ADGB: variants seen among roughly 807,000 people sequenced by gnomAD.
The protein encoded by ADGB is calpain-7-like protein.
In ADGB, 172 loss-of-function variants were observed where a neutral mutation model predicts 210.5. The ratio of observed to expected loss-of-function variants is 0.82; its 90% CI spans 0.72 to 0.93. The LOEUF (loss-of-function observed/expected upper bound fraction) is 0.93. ADGB is among the 40% of genes least tolerant of loss of function. ADGB has a pLI of 0.00. For synonymous variants in ADGB, 658 were observed against 662.7 expected (o/e 0.99, Z 0.11); for missense variants, 2,025 against 1,964.8 (o/e 1.03, Z -0.58).
chr6:146,731,874 G>A (rs116871498), intron 20 of ADGB, among the ~76,000 whole-genome samples: 20 of 152,174 alleles, frequency 1.3e-4, no homozygotes, highest in Admixed American at 2.0e-4. Context: ...TGGGGGAATC[G>A]GGCACGGAGT....
At position 146,746,075 on chromosome 6, in the gene ADGB, T is replaced by A; in HGVS notation, c.3331T>A (p.Tyr1111Asn). 6.4e-7 allele frequency: 1 copy of A among 1,550,466 alleles called. No individual in the cohort carries two copies. The highest frequency in any genetic ancestry group is 1.4e-5 in the African/African-American group (1 of 73,150). The change falls in exon 26 of 36, where the codon TAC becomes AAC. Residue 1111 changes from tyrosine (Y) to asparagine (N), a missense_variant. Physicochemically the swap from Tyr to Asn is moderately radical, Grantham distance 143. Transcript: ENST00000397944. ...NSFAIKEIRDYYIPNDKKILF... is the reference protein window; with the variant it reads ...NSFAIKEIRDNYIPNDKKILF... ...CTTTGCCATAAAGGAAATCCGAGAT[T>A]ACTACATACCCAATGATAAGAAAAT...
At chr6:146,634,910 G>C (rs933154540) in intron 1 of ADGB, among the ~76,000 whole-genome samples, 4 of 151,906 alleles carry the variant, frequency 2.6e-5, no homozygotes, top group Non-Finnish European at 5.9e-5. Context: ...TTAGTATTTA[G>C]ATAAATATTT....
rs776133155 is a variant in ADGB, at chr6:146,736,615, T to C, written c.2888+24T>C. 2.8e-6 allele frequency: 4 copies of C among 1,450,452 alleles called. No homozygotes were observed. In the South Asian group the frequency reaches 3.9e-5, roughly 14 times the overall value. 89.8% of individuals were successfully genotyped at this position (1,450,452 alleles called of 1,614,324 possible). ...AGGTAAAGCAGTCAAATGATATTTT[T>C]ATTGCAGTATATTGTCCTTTTGTCA... On this transcript the variant is annotated intron_variant, in intron 23 of 35. Transcript: ENST00000397944.
intron 33 of ADGB, among the ~76,000 whole-genome samples, chr6:146,792,682 G>T (rs764567941): frequency 1.3e-5 from 2 of 151,906 alleles, no homozygotes; most frequent in Non-Finnish European, 2.9e-5. Context: ...TAAAGTCTAC[G>T]TAGTTGTGAA....
chr6:146,602,058 A>G (rs1331381151), intron 1 of ADGB, among the ~76,000 whole-genome samples: 1 of 152,196 alleles, frequency 6.6e-6, no homozygotes, highest in African/African-American at 2.4e-5. Flanking sequence ...ACCAAGAAAA[A>G]CTATTCCAGG....
chr6:146,785,537 A>G (rs2114647813), intron 31 of ADGB, 73 bp from the exon 32 acceptor site: 7 of 1,180,694 alleles, frequency 5.9e-6, no homozygotes, highest in Middle Eastern at 2.1e-4. Context: ...ATTGAATACC[A>G]TTAACATGTA....
At chr6:146,745,466 C>T (rs560596573) in intron 25 of ADGB, among the ~76,000 whole-genome samples, 94 of 152,310 alleles carry the variant, frequency 6.2e-4, no homozygotes, top group African/African-American at 1.9e-3. Flanking sequence ...ATTAATTTTA[C>T]AGTTTTACCT....
intron 2 of ADGB, chr6:146,639,860 G>T (rs1170198406): frequency 3.3e-5 from 5 of 151,844 alleles, no homozygotes; most frequent in Non-Finnish European, 5.9e-5. Context: ...AATAATTAGA[G>T]AAGCTAGAAC....
chr6:146,662,983 A>G (rs185998561), intron 5 of ADGB, among the ~76,000 whole-genome samples: 352 of 146,100 alleles, frequency 2.4e-3, no homozygotes, highest in Middle Eastern at 7.2e-3. Flanking sequence ...TATAATGTAT[A>G]TAATATATAT....
intron 2 of ADGB, among the ~76,000 whole-genome samples, chr6:146,642,199 T>G (rs558360272): frequency 6.6e-6 from 1 of 151,514 alleles, no homozygotes; most frequent in South Asian, 2.1e-4. Flanking sequence ...ATTTCACACC[T>G]ATCAGAATGG....
intron 5 of ADGB, among the ~76,000 whole-genome samples, chr6:146,663,199 A>T (rs1158416810): frequency 7.0e-6 from 1 of 143,046 alleles, no homozygotes; most frequent in Non-Finnish European, 1.5e-5. Context: ...AATAATATTA[A>T]GGTTTTTTAT....
chr6:146,622,438 C>G (rs2114844298), intron 1 of ADGB, among the ~76,000 whole-genome samples: 1 of 152,182 alleles, frequency 6.6e-6, no homozygotes, highest in South Asian at 2.1e-4. Flanking sequence ...ATTTTAAGGT[C>G]AACTATCCCA....
At chr6:146,699,488 GC>G (rs1378039678) in intron 12 of ADGB, among the ~76,000 whole-genome samples, 1 of 152,088 alleles carries the variant, frequency 6.6e-6, no homozygotes, top group Non-Finnish European at 1.5e-5. Context: ...TTCTGCCCAG[GC>G]AGAAGATGGG....
chr6:146,642,826 G>C (rs1583571377), intron 2 of ADGB, among the ~76,000 whole-genome samples: 1 of 151,732 alleles, frequency 6.6e-6, no homozygotes, highest in East Asian at 1.9e-4. Flanking sequence ...CTTAATACCT[G>C]GGTGATGAAA....
chr6:146,726,067 C>A lies in ADGB; in HGVS notation c.2238-16C>A. ...CAGGAAGCACTCGGTTATCATCCGGCATCCCTTCTCTTTAGGAGACACATG... is the reference window on the plus strand; with the variant it reads ...CAGGAAGCACTCGGTTATCATCCGGAATCCCTTCTCTTTAGGAGACACATG... On this transcript the variant is annotated splice_polypyrimidine_tract_variant and intron_variant, in intron 18 of 35. Transcript: ENST00000397944. The A allele has an allele frequency of 6.8e-7, 1 of 1,476,266 alleles. No individual in the cohort carries two copies. 91.4% of individuals were successfully genotyped at this position (1,476,266 alleles called of 1,614,324 possible).
chr6:146,603,628 A>C (rs972679228), intron 1 of ADGB, among the ~76,000 whole-genome samples: 1 of 152,214 alleles, frequency 6.6e-6, no homozygotes, highest in Admixed American at 6.5e-5. Flanking sequence ...AAGCCTTTCA[A>C]AAACAGAATG....
At chr6:146,702,507 T>G (rs1004827993) in intron 13 of ADGB, among the ~76,000 whole-genome samples, 1 of 151,898 alleles carries the variant, frequency 6.6e-6, no homozygotes, top group Non-Finnish European at 1.5e-5. Context: ...CCTCCATTTA[T>G]GTACCTCTCT....
At position 146,716,888 on chromosome 6, in the gene ADGB, G is replaced by C. The variant is rs1776743229; in HGVS notation, c.1747G>C (p.Asp583His). The C allele has an allele frequency of 1.2e-5, 19 of 1,548,072 alleles. No homozygotes were observed. The highest frequency in any genetic ancestry group is 1.7e-5 in the Non-Finnish European group (19 of 1,145,132). Reference protein sequence around the residue: ...ASQVILGKGTDEQTDFGLGDA... With the variant: ...ASQVILGKGTHEQTDFGLGDA... ...TTGACATGTGTGTCTTCTAGGCACAGATGAACAAACAGACTTTGGATTGGG... is the reference window on the plus strand; with the variant it reads ...TTGACATGTGTGTCTTCTAGGCACACATGAACAAACAGACTTTGGATTGGG... Residue 583 changes from aspartate (D) to histidine (H), a missense_variant, in exon 15 of 36, where the codon GAT (aspartate) becomes CAT (histidine). By Grantham distance (81) the Asp-to-His change is moderately conservative. Transcript: ENST00000397944.
chr6:146,694,296 C>A, intron 12 of ADGB, among the ~76,000 whole-genome samples: 1 of 152,096 alleles, frequency 6.6e-6, no homozygotes, highest in Non-Finnish European at 1.5e-5. Context: ...CTGGGAAGTC[C>A]AAGAACTGCA....
Sources: gnomAD v4.1 joint callset for allele counts (sites outside exome capture counted in the v4.1 genomes callset) on GRCh38, gnomAD v4.1.1 for gene constraint, MANE v1.5 for transcripts, NCBI Gene and HGNC (gene_info 2026-07-23, HGNC 2026-07-21) for gene names.